RRN3: variants seen among roughly 807,000 people sequenced by gnomAD.
RRN3 encodes the protein RNA polymerase I-specific transcription initiation factor RRN3.
A neutral mutation model predicts 82.3 loss-of-function variants in RRN3; 38 were observed. That is an observed-to-expected ratio of 0.46 (90% confidence interval 0.36 to 0.61). The LOEUF is 0.61. Among genes scored for constraint, RRN3 ranks in the 20% least tolerant of loss-of-function variants. The probability of loss-of-function intolerance (pLI) is 0.00; values close to 1 mark genes in which losing one functional copy is unlikely to be tolerated. For synonymous variants in RRN3, 284 were observed against 284.3 expected (o/e 1.00, Z 0.01); for missense variants, 726 against 793.1 (o/e 0.92, Z 1.02).
chr16:15,088,342 T>C (rs1315917858), intron 3 of RRN3, among the ~76,000 whole-genome samples: 2 of 151,778 alleles, frequency 1.3e-5, no homozygotes, highest in South Asian at 2.1e-4. Flanking sequence ...TAGCACATGC[T>C]TGTGGTCCCA....
At chr16:15,068,439 T>C (rs2045074324) in intron 14 of RRN3, among the ~76,000 whole-genome samples, 162 bp from the exon 15 acceptor site, 2 of 152,204 alleles carry the variant, frequency 1.3e-5, no homozygotes, top group South Asian at 4.1e-4. Flanking sequence ...ACACAGTATA[T>C]GGCCCAGAAG....
chr16:15,087,573 C>G (rs1178337027), intron 3 of RRN3, among the ~76,000 whole-genome samples: 1 of 152,138 alleles, frequency 6.6e-6, no homozygotes, highest in Non-Finnish European at 1.5e-5. Flanking sequence ...TCCCACAGAT[C>G]AACCATTTTC....
chr16:15,065,329 G>A lies in RRN3; in HGVS notation c.1596C>T (p.Asn532=). 3.1e-6 allele frequency: 5 copies of A among 1,613,744 alleles called. No individual in the cohort carries two copies. The South Asian group carries it at 3.3e-5, about 11-fold the overall frequency. The change falls in exon 16 of 18, where the codon AAC becomes AAT. Residue 532 remains asparagine (N), a synonymous_variant. Transcript: ENST00000198767. ...TAATGACTGGCAGCATCTGGCGATTGTTCCTCTCAATGATGGTGTAGCAGA... is the reference window on the plus strand; with the variant it reads ...TAATGACTGGCAGCATCTGGCGATTATTCCTCTCAATGATGGTGTAGCAGA... The part of the protein sequence containing the change: ...LVFCYTIIER[N]NRQMLPVIRS...
chr16:15,075,310 G>A (rs1035235814), intron 10 of RRN3, among the ~76,000 whole-genome samples: 6 of 149,864 alleles, frequency 4.0e-5, no homozygotes, highest in African/African-American at 7.4e-5. Context: ...AGTGGCTCAC[G>A]CCTATAATTA....
Position 15,060,138 on chromosome 16 carries a change from AAC to A in RRN3, c.*1604_*1605del, listed in dbSNP as rs1303470025. 1 of 369,420 alleles carries A rather than the reference AAC, an allele frequency of 2.7e-6. No individual in the cohort carries two copies. The allele number at this position is 369,420 out of a possible 1,614,324, so 22.9% of individuals were successfully genotyped here. On this transcript the variant is annotated 3_prime_UTR_variant, in exon 18 of 18. Coordinates refer to ENST00000198767, the MANE Select transcript of RRN3 (RefSeq NM_018427.5). Reference sequence around the variant, plus strand: ...TTTTTCACAAACTCCTTTGAAATTAAACAGACTTATATGTAAATGTCTTTCTA... The same window carrying A: ...TTTTTCACAAACTCCTTTGAAATTAAAGACTTATATGTAAATGTCTTTCTA...
intron 8 of RRN3, among the ~76,000 whole-genome samples, chr16:15,081,952 A>T (rs1326190711): frequency 6.6e-6 from 1 of 152,166 alleles, no homozygotes; most frequent in Non-Finnish European, 1.5e-5. Flanking sequence ...TGGTTAGTGT[A>T]TGTTAGTCTT....
At chr16:15,075,790 G>T (rs1393477750) in intron 10 of RRN3, among the ~76,000 whole-genome samples, 1 of 152,098 alleles carries the variant, frequency 6.6e-6, no homozygotes, top group African/African-American at 2.4e-5. Flanking sequence ...ACCATGGCGG[G>T]TGCTTTTGGT....
At position 15,094,027 on chromosome 16, in the gene RRN3, C is replaced by G. The variant is rs1287883644; in HGVS notation, c.89+118G>C. The stretch of plus-strand genomic sequence containing the variant: ...TTTCTGTGAACGTGAGATGACCCTC[C>G]ACCCCGTGCTCCTATCACACGCCAT... On this transcript the variant is annotated intron_variant, in intron 1 of 17. Coordinates refer to ENST00000198767, the MANE Select transcript of RRN3 (RefSeq NM_018427.5). The G allele has an allele frequency of 5.5e-5, 48 of 864,970 alleles. 1 individual carries two copies. Among genetic ancestry groups the G allele is most frequent in the South Asian group, 4.9e-4 (34 of 69,266 alleles). The allele number at this position is 864,970 out of a possible 1,614,324, so 53.6% of individuals were successfully genotyped here.
At chr16:15,091,443 C>T (rs1209864968) in intron 2 of RRN3, 72 bp from the exon 3 acceptor site, 27 of 957,850 alleles carry the variant, frequency 2.8e-5, no homozygotes, top group Middle Eastern at 6.4e-4. Context: ...GACTTTTAAC[C>T]GTACTTTAAC....
intron 10 of RRN3, 73 bp from the exon 11 acceptor site, chr16:15,074,934 A>T: frequency 7.1e-7 from 1 of 1,403,666 alleles, no homozygotes; most frequent in Non-Finnish European, 9.7e-7. Flanking sequence ...AAACTGTCAT[A>T]AGTGATTATT....
rs2044668912 is a variant in RRN3, at chr16:15,060,384, T to C, written c.*1360A>G. The stretch of plus-strand genomic sequence containing the variant: ...AAAATTTCTATTTTCCAAAAAAGTA[T>C]TTACAGACTGAAATTCAAACTCTAC... On this transcript the variant is annotated 3_prime_UTR_variant, in exon 18 of 18. Transcript: ENST00000198767. The C allele has an allele frequency of 5.2e-6, 1 of 194,172 alleles. No homozygotes were observed. Among genetic ancestry groups the C allele is most frequent in the African/African-American group, 2.4e-5 (1 of 42,352 alleles). The allele number at this position is 194,172 out of a possible 1,614,324, so 12.0% of individuals were successfully genotyped here.
intron 9 of RRN3, among the ~76,000 whole-genome samples, chr16:15,079,258 T>C (rs2045597344): frequency 6.6e-6 from 1 of 152,196 alleles, no homozygotes; most frequent in Non-Finnish European, 1.5e-5. Flanking sequence ...ACAATGTCAC[T>C]AGAATCTACT....
At chr16:15,076,352 A>C in intron 10 of RRN3, 1 of 605,030 alleles carries the variant, frequency 1.7e-6, no homozygotes. Context: ...TACTTCACCA[A>C]ACCCAAATTC....
chr16:15,089,146 T>A (rs1206921089), intron 3 of RRN3, among the ~76,000 whole-genome samples: 1 of 150,878 alleles, frequency 6.6e-6, no homozygotes, highest in African/African-American at 2.4e-5. Context: ...CTACTGAAAA[T>A]ACAAAAAAAT....
At chr16:15,091,862 G>C (rs2046141740) in intron 2 of RRN3, among the ~76,000 whole-genome samples, 1 of 152,118 alleles carries the variant, frequency 6.6e-6, no homozygotes, top group Non-Finnish European at 1.5e-5. Context: ...CCAAAGTAAT[G>C]CTTAGGTAAG....
At chr16:15,067,305 A>T (rs2151766275) in intron 15 of RRN3, among the ~76,000 whole-genome samples, 1 of 148,474 alleles carries the variant, frequency 6.7e-6, no homozygotes, top group East Asian at 1.9e-4. Context: ...AGAATAACTT[A>T]GTGAAAGCTT....
rs775300651 is a variant in RRN3 at position 15,084,708 on chromosome 16, G to T, written c.533-3C>A. On this transcript the variant is annotated splice_region_variant and splice_polypyrimidine_tract_variant and intron_variant, in intron 6 of 17. Coordinates refer to ENST00000198767, the MANE Select transcript of RRN3 (RefSeq NM_018427.5). ...TGTGTCAAAATTTGCAGGAAGATCT[G>T]AAAGGAGAAAAGTTCAGAGTATGAG... 3.7e-6 allele frequency: 6 copies of T among 1,611,316 alleles called. No homozygotes were observed. The highest frequency in any genetic ancestry group is 1.6e-4 in the Middle Eastern group (1 of 6,070).
intron 3 of RRN3, among the ~76,000 whole-genome samples, chr16:15,089,087 G>C (rs2046018704): frequency 6.6e-6 from 1 of 151,962 alleles, no homozygotes; most frequent in South Asian, 2.1e-4. Flanking sequence ...TGGATCACTT[G>C]AGGTCAGGAG....
intron 11 of RRN3, among the ~76,000 whole-genome samples, chr16:15,073,448 G>A (rs1253140953): frequency 4.6e-5 from 7 of 151,934 alleles, no homozygotes; most frequent in African/African-American, 1.2e-4. Context: ...GAGTAAGACC[G>A]TGGCTATTTA....
Sources: gnomAD v4.1 joint callset for allele counts (sites outside exome capture counted in the v4.1 genomes callset) on GRCh38, gnomAD v4.1.1 for gene constraint, MANE v1.5 for transcripts, NCBI Gene and HGNC (gene_info 2026-07-23, HGNC 2026-07-21) for gene names.